Variants in TEX36 observed in about 807,000 individuals in gnomAD.
The protein encoded by TEX36 is testis expressed 36.
In TEX36, 12 loss-of-function variants were observed where a neutral mutation model predicts 13.6. That is an observed-to-expected ratio of 0.88 (90% CI 0.56 to 1.43). TEX36 has a LOEUF of 1.43. Ranked by LOEUF, TEX36 falls within the 40% of genes most tolerant of loss-of-function variation. The probability of loss-of-function intolerance (pLI) is 0.00; values close to 1 mark genes in which losing one functional copy is unlikely to be tolerated. For synonymous variants in TEX36, 93 were observed against 83.0 expected (o/e 1.12, Z -0.65); for missense variants, 224 against 228.3 (o/e 0.98, Z 0.12).
intron 3 of TEX36, among the ~76,000 whole-genome samples, chr10:125,643,874 C>T (rs1386991415): frequency 2.6e-5 from 4 of 152,072 alleles, no homozygotes; most frequent in East Asian, 1.9e-4. Context: ...ATGGTGCCAC[C>T]GCACTCCAGC....
At chr10:125,643,226 CT>C (rs1228508516) in intron 3 of TEX36, among the ~76,000 whole-genome samples, 1 of 152,218 alleles carries the variant, frequency 6.6e-6, no homozygotes, top group East Asian at 1.9e-4. Flanking sequence ...CTGGGAGCCC[CT>C]ACCCAGAAGA....
At chr10:125,675,237 C>G (rs1045106902) in intron 1 of TEX36, among the ~76,000 whole-genome samples, 19 of 152,196 alleles carry the variant, frequency 1.2e-4, no homozygotes, top group African/African-American at 4.3e-4. Context: ...GGAAATTCCT[C>G]CTGGGTCCAC....
chr10:125,606,973 C>A (rs188044072), intron 3 of TEX36, among the ~76,000 whole-genome samples: 1 of 152,178 alleles, frequency 6.6e-6, no homozygotes, highest in East Asian at 1.9e-4. Context: ...CAACTGGATG[C>A]GAACTTTGAT....
chr10:125,667,339 A>G (rs1847140049), intron 1 of TEX36: 2 of 643,204 alleles, frequency 3.1e-6, no homozygotes, highest in Non-Finnish European at 6.0e-6. Flanking sequence ...TCTTGGTCAC[A>G]CACTGGCAGT....
chr10:125,647,615 T>C (rs7080256), intron 3 of TEX36, among the ~76,000 whole-genome samples: 43,624 of 151,826 alleles, frequency 0.29, 9,996 homozygotes, highest in African/African-American at 0.61. Context: ...ACACAGAAGA[T>C]GGGTGATTTC....
At chr10:125,638,888 A>G (rs1318950395) in intron 3 of TEX36, among the ~76,000 whole-genome samples, 1 of 152,220 alleles carries the variant, frequency 6.6e-6, no homozygotes, top group Non-Finnish European at 1.5e-5. Context: ...GAAATGCATC[A>G]TGCTCCTTCC....
intron 1 of TEX36, among the ~76,000 whole-genome samples, chr10:125,676,838 G>A (rs1281097672): frequency 1.3e-5 from 2 of 152,040 alleles, no homozygotes; most frequent in African/African-American, 2.4e-5. Flanking sequence ...GGTAAATATT[G>A]TCCTTTCACT....
At chr10:125,660,956 C>A in intron 3 of TEX36, 65 bp downstream of exon 3, 1 of 1,394,906 alleles carries the variant, frequency 7.2e-7, no homozygotes, top group South Asian at 1.2e-5. Context: ...TTCAACACAC[C>A]CCAGAAAATC....
intron 3 of TEX36, among the ~76,000 whole-genome samples, chr10:125,631,077 T>C (rs996371719): frequency 1.3e-5 from 2 of 152,196 alleles, no homozygotes; most frequent in South Asian, 2.1e-4. Context: ...ATAAACATTT[T>C]TGAAAAATCT....
intron 3 of TEX36, among the ~76,000 whole-genome samples, chr10:125,627,885 C>A (rs868490489): frequency 6.6e-6 from 1 of 152,100 alleles, no homozygotes; most frequent in Non-Finnish European, 1.5e-5. Context: ...AGGTGCCAGG[C>A]GGTAACACCT....
At chr10:125,588,301 G>A (rs565560946) in intron 3 of TEX36, among the ~76,000 whole-genome samples, 1 of 152,174 alleles carries the variant, frequency 6.6e-6, no homozygotes, top group Non-Finnish European at 1.5e-5. Context: ...AGTGTGATTG[G>A]TTAAAAGTAG....
rs532374798 is a variant in TEX36 at position 125,642,844 on chromosome 10, A to ATTGG, written c.264+18173_264+18176dup. Among the ~76,000 whole-genome samples, 401 of 152,142 alleles carry ATTGG rather than the reference A, an allele frequency of 2.6e-3. 3 individuals are homozygous for ATTGG. The highest frequency in any genetic ancestry group is 7.4e-3 in the African/African-American group (306 of 41,488). On this transcript the variant is annotated intron_variant, in intron 3 of 3. Transcript: ENST00000526819. The stretch of plus-strand genomic sequence containing the variant: ...CAATGTCCAGCTGGAATTTAATCGC[A>ATTGG]TTGGTTGGTTGGTTGGTTGGTTGGT...
At chr10:125,614,037 G>A (rs939345738) in intron 3 of TEX36, among the ~76,000 whole-genome samples, 1 of 152,172 alleles carries the variant, frequency 6.6e-6, no homozygotes, top group Non-Finnish European at 1.5e-5. Context: ...GCCAGTGATG[G>A]TGAGCATTTT....
At chr10:125,620,720 A>T (rs1374660927), downstream of TEX36, among the ~76,000 whole-genome samples, 1 of 152,208 alleles carries the variant, frequency 6.6e-6, no homozygotes, top group Non-Finnish European at 1.5e-5. Context: ...TATGCAACCC[A>T]TCTCCAGAAC....
At chr10:125,672,425 T>C (rs914419694) in intron 1 of TEX36, among the ~76,000 whole-genome samples, 7 of 152,208 alleles carry the variant, frequency 4.6e-5, no homozygotes, top group African/African-American at 1.2e-4. Context: ...TCAAATTCCA[T>C]GTAGTTGTGT....
At chr10:125,655,621 C>T (rs1846925888), downstream of TEX36, 9 of 1,097,698 alleles carry the variant, frequency 8.2e-6, no homozygotes, top group Non-Finnish European at 9.0e-6. Context: ...TTTGTTTCCT[C>T]TGTATGGTTT....
chr10:125,634,907 C>T (rs1397963447), intron 3 of TEX36, among the ~76,000 whole-genome samples: 5 of 152,118 alleles, frequency 3.3e-5, no homozygotes, highest in African/African-American at 1.2e-4. Context: ...TGAAGCTGTA[C>T]AAAGATGCCT....
intron 3 of TEX36, among the ~76,000 whole-genome samples, chr10:125,590,562 T>A (rs1846009862): frequency 1.3e-5 from 2 of 152,164 alleles, no homozygotes; most frequent in African/African-American, 2.4e-5. Context: ...GCGGCAGATA[T>A]TATTATTACT....
chr10:125,677,502 G>C (rs913811708), intron 1 of TEX36, among the ~76,000 whole-genome samples: 13 of 152,060 alleles, frequency 8.5e-5, no homozygotes, highest in Non-Finnish European at 1.5e-5. Flanking sequence ...ATTTTCAAAT[G>C]TATTTTGTAT....
Sources: gnomAD v4.1 joint callset for allele counts (sites outside exome capture counted in the v4.1 genomes callset) on GRCh38, gnomAD v4.1.1 for gene constraint, MANE v1.5 for transcripts, NCBI Gene and HGNC (gene_info 2026-07-23, HGNC 2026-07-21) for gene names.